Variants in ARMC9 observed in about 807,000 individuals in gnomAD.
ARMC9 encodes the protein armadillo repeat containing 9, also known as lisH domain-containing protein ARMC9.
ARMC9 carries 94 observed loss-of-function variants against 107.0 expected under a neutral mutation model. The observed-to-expected ratio is 0.88, with a 90% confidence interval of 0.74 to 1.04. The LOEUF (loss-of-function observed/expected upper bound fraction) is 1.04, where lower values mean the gene tolerates loss of function less well. Ranked by LOEUF, ARMC9 falls within the 50% of genes least tolerant of loss-of-function variation. The probability of loss-of-function intolerance (pLI) is 0.00; values close to 1 mark genes in which losing one functional copy is unlikely to be tolerated. For missense variants in ARMC9, 942 were observed against 1,030.1 expected, an observed-to-expected ratio of 0.91 and a Z score of 1.17; for synonymous variants, 380 against 396.9, an observed-to-expected ratio of 0.96 and a Z score of 0.51.
At position 231,368,842 on chromosome 2, in the gene ARMC9, C is replaced by T. The variant is rs140659298; in HGVS notation, c.2262-1111C>T. Among the ~76,000 whole-genome samples, 25 of 152,182 alleles carry T rather than the reference C, an allele frequency of 1.6e-4. No individual in the cohort carries two copies. The East Asian group carries it at 4.8e-3, about 29-fold the overall frequency. On this transcript the variant is annotated intron_variant, in intron 23 of 24. Coordinates refer to ENST00000611582, the MANE Select transcript of ARMC9 (RefSeq NM_001352754.2). ...TTTTCACCATGCCGGCCAGGCTGGT[C>T]GCGAACTCCTGACCTTGTGATCTGC... is the stretch of plus-strand genomic sequence containing the variant.
chr2:231,369,650 G>A (rs1297072391), intron 23 of ARMC9, among the ~76,000 whole-genome samples: 2 of 150,860 alleles, frequency 1.3e-5, no homozygotes, highest in African/African-American at 2.4e-5. Context: ...AGGCTGGAGT[G>A]CAACAGTGCC....
At chr2:231,326,588 T>TGGC (rs1227446973) in intron 19 of ARMC9, among the ~76,000 whole-genome samples, 1 of 152,166 alleles carries the variant, frequency 6.6e-6, no homozygotes, top group Non-Finnish European at 1.5e-5. Flanking sequence ...CATCTAGTGA[T>TGGC]GGCAGGTGGC....
At position 231,255,757 on chromosome 2, in the gene ARMC9, G is replaced by A. The variant is rs982508923; in HGVS notation, c.880-829G>A. ...GTGGATTAAAACTTTGCACATCTGG[G>A]CCAGGCGCAGTGGCTCACGCCTGTA... On this transcript the variant is annotated intron_variant, in intron 9 of 24. Coordinates refer to ENST00000611582, the MANE Select transcript of ARMC9 (RefSeq NM_001352754.2). The surrounding 1 kb of genome is among the most constrained non-coding windows in gnomAD (Gnocchi z 4.7). Among the ~76,000 whole-genome samples the A allele has an allele frequency of 7.9e-5, 12 of 152,278 alleles. No individual in the cohort carries two copies. In the East Asian group the frequency reaches 2.3e-3, roughly 29 times the overall value.
At chr2:231,313,717 A>G (rs1412724872) in intron 19 of ARMC9, among the ~76,000 whole-genome samples, 1 of 151,518 alleles carries the variant, frequency 6.6e-6, no homozygotes, top group African/African-American at 2.4e-5. Context: ...TTTTCTGGAG[A>G]TTTTATATCG....
intron 23 of ARMC9, among the ~76,000 whole-genome samples, chr2:231,361,209 C>T (rs1377412351): frequency 6.6e-6 from 1 of 152,122 alleles, no homozygotes; most frequent in Non-Finnish European, 1.5e-5. Context: ...AGTGTCCTGT[C>T]AGCTTTTTGC....
chr2:231,352,550 C>T (rs2045135013), intron 21 of ARMC9, among the ~76,000 whole-genome samples: 2 of 151,602 alleles, frequency 1.3e-5, no homozygotes, highest in Admixed American at 1.3e-4. Context: ...TCTGGGACTC[C>T]TGACCTCAAG....
chr2:231,278,525 C>G, intron 16 of ARMC9, 67 bp downstream of exon 16: 3 of 1,368,716 alleles, frequency 2.2e-6, no homozygotes, highest in Non-Finnish European at 3.1e-6. Context: ...GCCTGTGACC[C>G]CACAGGCACA....
chr2:231,253,461 G>C (rs922690968), intron 9 of ARMC9, among the ~76,000 whole-genome samples: 1 of 152,086 alleles, frequency 6.6e-6, no homozygotes, highest in African/African-American at 2.4e-5. Flanking sequence ...CGGTTTGGCT[G>C]GGTTGAACCC....
chr2:231,260,775 C>G (rs111762508), intron 11 of ARMC9, among the ~76,000 whole-genome samples: 1 of 152,350 alleles, frequency 6.6e-6, no homozygotes, highest in African/African-American at 2.4e-5. Flanking sequence ...TGCACTTCCT[C>G]TCAGTCCGTG....
chr2:231,256,103 A>G, intron 9 of ARMC9: 2 of 1,551,648 alleles, frequency 1.3e-6, no homozygotes, highest in African/African-American at 1.4e-5. Context: ...CATCATGGAC[A>G]CCAGCCGTGT....
chr2:231,208,761 G>A (rs964744992), intron 3 of ARMC9, among the ~76,000 whole-genome samples: 2 of 152,126 alleles, frequency 1.3e-5, no homozygotes, highest in Non-Finnish European at 1.5e-5. Flanking sequence ...CAACTCTCAG[G>A]GTTAGAAGGG....
intron 20 of ARMC9, among the ~76,000 whole-genome samples, chr2:231,342,661 G>T (rs547638758): frequency 1.1e-4 from 16 of 152,142 alleles, no homozygotes; most frequent in Admixed American, 8.5e-4. Flanking sequence ...CTCCTGGATC[G>T]GGGAAGTGGG....
chr2:231,323,509 C>T (rs2043117741), intron 19 of ARMC9, among the ~76,000 whole-genome samples: 1 of 152,150 alleles, frequency 6.6e-6, no homozygotes, highest in South Asian at 2.1e-4. Flanking sequence ...AGCTGCCCTT[C>T]CCACCTCAAC....
intron 9 of ARMC9, chr2:231,256,212 G>A (rs1204176604): frequency 6.5e-7 from 1 of 1,534,902 alleles, no homozygotes; most frequent in East Asian, 2.4e-5. Flanking sequence ...GACGACACGA[G>A]CCGATCCATC....
chr2:231,252,589 G>A (rs550627448), intron 9 of ARMC9, among the ~76,000 whole-genome samples: 12 of 152,166 alleles, frequency 7.9e-5, no homozygotes, highest in South Asian at 2.1e-4. Context: ...TACTTGACCC[G>A]TCTGACTTGT....
chr2:231,363,148 G>A (rs1271884311), intron 23 of ARMC9, among the ~76,000 whole-genome samples: 1 of 152,262 alleles, frequency 6.6e-6, no homozygotes, highest in Non-Finnish European at 1.5e-5. Flanking sequence ...AGTGTGCACA[G>A]AGTGCCAGGA....
At position 231,235,371 on chromosome 2, in the gene ARMC9, G is replaced by C. The variant is rs953501228; in HGVS notation, c.770G>C (p.Ser257Thr). The change falls in exon 8 of 25, where the codon AGC (serine) becomes ACC (threonine). Residue 257 changes from serine (S) to threonine (T), a missense_variant. Coordinates refer to ENST00000611582, the MANE Select transcript of ARMC9 (RefSeq NM_001352754.2). ...GTGGATTCTCTAGAGGCCACAGTCA[G>C]CGGCAAGATGGTAAGGAAGATCCCT... ...ELVDSLEATV[S>T]GKMITPEYLQ... 6.2e-7 allele frequency: 1 copy of C among 1,613,954 alleles called. No individual in the cohort carries two copies. The highest frequency in any genetic ancestry group is 1.3e-5 in the African/African-American group (1 of 74,926).
intron 5 of ARMC9, among the ~76,000 whole-genome samples, 200 bp downstream of exon 5, chr2:231,216,993 T>G (rs1311035953): frequency 6.6e-6 from 1 of 152,240 alleles, no homozygotes; most frequent in Non-Finnish European, 1.5e-5. Flanking sequence ...CATCCTATAC[T>G]AGCAGTGGTT....
chr2:231,334,244 C>T (rs997101513), intron 20 of ARMC9, among the ~76,000 whole-genome samples: 1 of 152,224 alleles, frequency 6.6e-6, no homozygotes, highest in Non-Finnish European at 1.5e-5. Context: ...TAACTGCAGA[C>T]TTAAAACAGC....
Sources: gnomAD v4.1 joint callset for allele counts (sites outside exome capture counted in the v4.1 genomes callset) on GRCh38, gnomAD v4.1.1 for gene constraint, Gnocchi (gnomAD v3.1) non-coding constraint, MANE v1.5 for transcripts, NCBI Gene and HGNC (gene_info 2026-07-23, HGNC 2026-07-21) for gene names.